TRPM6: variants seen among roughly 807,000 people sequenced by gnomAD.
TRPM6 encodes transient receptor potential cation channel subfamily M member 6, also known as channel kinase 2.
A neutral mutation model predicts 247.6 loss-of-function variants in TRPM6; 111 were observed. The ratio of observed to expected loss-of-function variants is 0.45; its 90% CI spans 0.38 to 0.52. The LOEUF (loss-of-function observed/expected upper bound fraction) is 0.52, where lower values mean the gene tolerates loss of function less well. TRPM6 is among the 20% of genes least tolerant of loss of function. TRPM6 has a pLI of 0.00. For synonymous variants in TRPM6, 892 were observed against 853.8 expected (o/e 1.04, Z -0.78); for missense variants, 2,126 against 2,421.5 (o/e 0.88, Z 2.56).
chr9:74,868,894 T>TG (rs1830935274), intron 1 of TRPM6, among the ~76,000 whole-genome samples: 2 of 152,084 alleles, frequency 1.3e-5, no homozygotes, highest in Admixed American at 6.6e-5. Context: ...TAAACAAGGA[T>TG]GCAGAAGAAA....
chr9:74,739,469 G>C lies in TRPM6; in HGVS notation c.5488-20C>G, dbSNP rs775955484. 1.9e-6 allele frequency: 3 copies of C among 1,605,978 alleles called. No homozygotes were observed. The African/African-American group carries it at 4.0e-5, about 21-fold the overall frequency. ...AATTTCCTACAAAATAGGGAGCACT[G>C]ATAAAAATACTGATTTACTGTTGTA... On this transcript the variant is annotated intron_variant, in intron 34 of 38. Coordinates refer to ENST00000360774, the MANE Select transcript of TRPM6 (RefSeq NM_017662.5).
At chr9:74,834,254 G>T in intron 5 of TRPM6, 132 bp from the exon 6 acceptor site, 1 of 1,080,392 alleles carries the variant, frequency 9.3e-7, no homozygotes, top group Non-Finnish European at 1.4e-6. Context: ...TGGTACAGTG[G>T]AATTAGTTTC....
chr9:74,877,030 A>G (rs925497592), intron 1 of TRPM6, among the ~76,000 whole-genome samples: 5 of 152,234 alleles, frequency 3.3e-5, no homozygotes, highest in African/African-American at 4.8e-5. Flanking sequence ...AAAACCATGC[A>G]GTCTTCATAC....
At chr9:74,792,439 G>A (rs1439837182) in intron 19 of TRPM6, among the ~76,000 whole-genome samples, 185 bp downstream of exon 19, 1 of 152,172 alleles carries the variant, frequency 6.6e-6, no homozygotes, top group Non-Finnish European at 1.5e-5. Flanking sequence ...AAGTAGGTGA[G>A]CTCCACCCTA....
chr9:74,733,559 T>C (rs988302633), intron 36 of TRPM6, among the ~76,000 whole-genome samples: 4 of 152,344 alleles, frequency 2.6e-5, no homozygotes, highest in African/African-American at 9.6e-5. Flanking sequence ...TAGCCTCGTT[T>C]TACATTTTAT....
chr9:74,847,436 T>C (rs888820984), intron 3 of TRPM6, among the ~76,000 whole-genome samples: 2 of 152,048 alleles, frequency 1.3e-5, no homozygotes, highest in Admixed American at 1.3e-4. Context: ...TCTCCCTCAG[T>C]CTCCCAAAGT....
chr9:74,758,899 A>G (rs1474516250), intron 27 of TRPM6, among the ~76,000 whole-genome samples: 1 of 152,150 alleles, frequency 6.6e-6, no homozygotes, highest in Non-Finnish European at 1.5e-5. Context: ...AAGCTACACA[A>G]TATCTACTCA....
chr9:74,848,973 T>C (rs1394385115), intron 3 of TRPM6, among the ~76,000 whole-genome samples: 2 of 152,182 alleles, frequency 1.3e-5, no homozygotes, highest in Admixed American at 6.5e-5. Context: ...GGCTAGCTGT[T>C]ATGGACTGAA....
Position 74,757,429 on chromosome 9 carries a change from G to T in TRPM6, c.4786-1956C>A, listed in dbSNP as rs192217033. Among the ~76,000 whole-genome samples the T allele has an allele frequency of 2.2e-3, 331 of 151,850 alleles. 1 individual carries two copies. Among genetic ancestry groups the T allele is most frequent in the African/African-American group, 7.5e-3 (309 of 41,430 alleles). ...AAAAATACAAAAATCAGCTGGGCGG[G>T]GTGGCACAGGCCTGTAATCCTAGCT... On this transcript the variant is annotated intron_variant, in intron 27 of 38. Transcript: ENST00000360774.
chr9:74,738,543 T>C lies in TRPM6; in HGVS notation c.5640A>G (p.Thr1880=). 1.2e-6 allele frequency: 2 copies of C among 1,614,114 alleles called. No homozygotes were observed. The highest frequency in any genetic ancestry group is 1.7e-6 in the Non-Finnish European group (2 of 1,179,992). Residue 1880 remains threonine, a synonymous_variant, in exon 36 of 39, where the codon ACA becomes ACG. Coordinates refer to ENST00000360774, the MANE Select transcript of TRPM6 (RefSeq NM_017662.5). ...NQWLTIEKYM[T]GEFRKYNNNN... ...TGTTGTTATACTTCCGGAACTCCCC[T>C]GTCATATACTTCTCAATGGTCAACC...
chr9:74,845,409 A>T (rs906281463), intron 3 of TRPM6, among the ~76,000 whole-genome samples: 1 of 152,210 alleles, frequency 6.6e-6, no homozygotes, highest in African/African-American at 2.4e-5. Context: ...GGAGAAGTGG[A>T]CAAACAAAAT....
intron 36 of TRPM6, chr9:74,737,572 G>A (rs879493616): frequency 1.1e-5 from 6 of 539,866 alleles, no homozygotes; most frequent in Non-Finnish European, 1.8e-5. Context: ...GAAAAGAACA[G>A]GGATGTCTTA....
At chr9:74,736,276 C>T (rs900951018) in intron 36 of TRPM6, among the ~76,000 whole-genome samples, 19 of 152,112 alleles carry the variant, frequency 1.2e-4, no homozygotes, top group Non-Finnish European at 2.4e-4. Context: ...CACAGTGGAA[C>T]CAGAAGTCAG....
chr9:74,835,802 T>C (rs889483695), intron 5 of TRPM6, among the ~76,000 whole-genome samples: 3 of 152,112 alleles, frequency 2.0e-5, no homozygotes, highest in African/African-American at 7.2e-5. Context: ...ACTTTATTTT[T>C]TAGAGTAGTT....
chr9:74,725,734 C>CCCAG (rs1825296509), intron 38 of TRPM6, among the ~76,000 whole-genome samples: 1 of 152,200 alleles, frequency 6.6e-6, no homozygotes, highest in Non-Finnish European at 1.5e-5. Context: ...GTGAGGCCTC[C>CCCAG]CCAGCCATGT....
chr9:74,854,796 TGAGTATACA>T (rs1830471288), intron 3 of TRPM6, among the ~76,000 whole-genome samples: 1 of 152,198 alleles, frequency 6.6e-6, no homozygotes, highest in Non-Finnish European at 1.5e-5. Context: ...TCCAAGTAGC[TGAGTATACA>T]GGCACACACC....
chr9:74,762,972 C>T lies in TRPM6; in HGVS notation c.3699G>A (p.Glu1233=). The T allele has an allele frequency of 3.1e-6, 5 of 1,610,474 alleles. No homozygotes were observed. The highest frequency in any genetic ancestry group is 3.4e-6 in the Non-Finnish European group (4 of 1,177,408). ...TTCTCTTGGCCAGGAGAGCCTCATC[C>T]TCTTGCAAAGTGTCAACAGCAGAAA... ...KVLSAVDTLQ[E]DEALLAKRKH... is the part of the protein sequence containing the mutation. Residue 1233 remains glutamate, a synonymous_variant, in exon 26 of 39, where the codon GAG becomes GAA. Transcript: ENST00000360774.
Position 74,739,878 on chromosome 9 carries a change from C to T in TRPM6, c.5332G>A (p.Gly1778Ser), listed in dbSNP as rs1825807360. ...ACGACTCTCATAGCTTTACGGAGGC[C>T]CCCATCCATCTCCTCTCGGGACAAT... ...QVLSREEMDG[G>S]LRKAMRVVST... The change falls in exon 34 of 39, where the codon GGC becomes AGC. Residue 1778 changes from glycine to serine, a missense_variant. Around this residue, in one of 3 missense-constraint regions of TRPM6, gnomAD observed 327 missense variants for 397.7 expected, o/e 0.82. Coordinates refer to ENST00000360774, the MANE Select transcript of TRPM6 (RefSeq NM_017662.5). The T allele has an allele frequency of 6.2e-7, 1 of 1,614,108 alleles. No homozygotes were observed. The highest frequency in any genetic ancestry group is 8.5e-7 in the Non-Finnish European group (1 of 1,180,018).
At chr9:74,840,821 T>G in intron 4 of TRPM6, among the ~76,000 whole-genome samples, 1 of 122,420 alleles carries the variant, frequency 8.2e-6, no homozygotes. Context: ...AGAGCAGGAC[T>G]CTGTCTCAAA....
Sources: allele counts gnomAD v4.1 joint callset (sites outside exome capture counted in the v4.1 genomes callset), GRCh38; gene constraint gnomAD v4.1.1; regional missense constraint gnomAD v4.1.1; transcripts MANE v1.5; gene names NCBI Gene and HGNC (gene_info 2026-07-23, HGNC 2026-07-21).